TAFA2: variants seen among roughly 807,000 people sequenced by gnomAD.
The protein encoded by TAFA2 is TAFA chemokine like family member 2, also known as chemokine-like protein TAFA-2.
TAFA2 carries 7 observed loss-of-function variants against 18.8 expected under a neutral mutation model. The ratio of observed to expected loss-of-function variants is 0.37; its 90% CI spans 0.21 to 0.70. The LOEUF is 0.70. Among genes scored for constraint, TAFA2 ranks in the 30% least tolerant of loss-of-function variants. The pLI is 0.53. For synonymous variants in TAFA2, 60 were observed against 54.2 expected (o/e 1.11, Z -0.47); for missense variants, 122 against 158.1 (o/e 0.77, Z 1.23).
chr12:61,761,715 A>G (rs1306535290), intron 2 of TAFA2, among the ~76,000 whole-genome samples: 1 of 152,102 alleles, frequency 6.6e-6, no homozygotes. Context: ...AAGATAAAAT[A>G]CTGAGTAAGA....
chr12:61,821,952 A>C (rs1435117527), intron 2 of TAFA2, among the ~76,000 whole-genome samples: 1 of 152,064 alleles, frequency 6.6e-6, no homozygotes, highest in Non-Finnish European at 1.5e-5. Flanking sequence ...CACTTTTTAG[A>C]TAATTACAGT....
At chr12:61,914,792 C>T (rs766770348) in intron 1 of TAFA2, among the ~76,000 whole-genome samples, 1 of 152,114 alleles carries the variant, frequency 6.6e-6, no homozygotes, top group Non-Finnish European at 1.5e-5. Flanking sequence ...TTTTTATTCT[C>T]TAAATAGCTT....
At chr12:61,982,004 G>A (rs959950945) in intron 1 of TAFA2, among the ~76,000 whole-genome samples, 8 of 152,154 alleles carry the variant, frequency 5.3e-5, no homozygotes, top group East Asian at 1.9e-4. Flanking sequence ...TGTTCACTGC[G>A]GCACTATTCA....
rs1464910949 is a variant in TAFA2, at chr12:62,163,143, T to C, written c.-2+28116A>G. Among the ~76,000 whole-genome samples, 4 of 152,036 alleles carry C rather than the reference T, an allele frequency of 2.6e-5. No individual in the cohort carries two copies. In the East Asian group the frequency reaches 7.7e-4, roughly 29 times the overall value. ...AGAACCAAATGCCAGGATAAAGACTTTCTGCTCGACTACTAAAATAGAACT... is the reference window on the plus strand; with the variant it reads ...AGAACCAAATGCCAGGATAAAGACTCTCTGCTCGACTACTAAAATAGAACT... On this transcript the variant is annotated intron_variant, in intron 1 of 4. Transcript: ENST00000416284.
chr12:61,967,414 A>G (rs1237514617), intron 1 of TAFA2, among the ~76,000 whole-genome samples: 2 of 151,874 alleles, frequency 1.3e-5, no homozygotes, highest in Non-Finnish European at 2.9e-5. Flanking sequence ...TGGGTAAGTT[A>G]AAGAGAATCT....
At chr12:61,796,505 AC>A (rs1871195736) in intron 2 of TAFA2, among the ~76,000 whole-genome samples, 1 of 152,158 alleles carries the variant, frequency 6.6e-6, no homozygotes, top group Non-Finnish European at 1.5e-5. Context: ...ATGTGTAATA[AC>A]AAATCAATGG....
At chr12:62,164,855 GGC>G in intron 1 of TAFA2, among the ~76,000 whole-genome samples, 1 of 152,096 alleles carries the variant, frequency 6.6e-6, no homozygotes, top group East Asian at 1.9e-4. Context: ...TGGCACAGAG[GGC>G]TAAACAAATA....
intron 2 of TAFA2, among the ~76,000 whole-genome samples, chr12:61,793,136 A>T (rs1871051862): frequency 6.6e-6 from 1 of 151,610 alleles, no homozygotes; most frequent in Non-Finnish European, 1.5e-5. Context: ...TATAGCACTA[A>T]GCATCTATAT....
intron 1 of TAFA2, among the ~76,000 whole-genome samples, chr12:62,032,272 A>G (rs1881479960): frequency 6.6e-6 from 1 of 152,168 alleles, no homozygotes; most frequent in Non-Finnish European, 1.5e-5. Context: ...ACAGGAAAGG[A>G]CTTCATTTAA....
chr12:61,792,842 T>C (rs1871039444), intron 2 of TAFA2, among the ~76,000 whole-genome samples: 1 of 151,516 alleles, frequency 6.6e-6, no homozygotes, highest in Non-Finnish European at 1.5e-5. Flanking sequence ...CACCTCTATC[T>C]TTAAATAACT....
At chr12:61,871,299 G>T (rs746328620) in intron 1 of TAFA2, among the ~76,000 whole-genome samples, 2 of 152,154 alleles carry the variant, frequency 1.3e-5, no homozygotes, top group Non-Finnish European at 2.9e-5. Context: ...AAAAAAAGCT[G>T]AATGTACATT....
chr12:61,761,633 T>C (rs1292240491), intron 2 of TAFA2, among the ~76,000 whole-genome samples: 1 of 152,062 alleles, frequency 6.6e-6, no homozygotes, highest in Non-Finnish European at 1.5e-5. Context: ...CAATAACCAC[T>C]GACAAGGAAA....
At chr12:62,244,089 C>CTT (rs577907756) in intron 1 of TAFA2, among the ~76,000 whole-genome samples, 23 of 140,008 alleles carry the variant, frequency 1.6e-4, no homozygotes, top group African/African-American at 5.0e-4. Flanking sequence ...CATACCTGGC[C>CTT]TTTTTTTTTT....
intron 1 of TAFA2, among the ~76,000 whole-genome samples, chr12:62,257,149 T>G (rs1247653180): frequency 1.9e-4 from 2 of 10,368 alleles, no homozygotes; most frequent in Non-Finnish European, 4.0e-4. Context: ...TGTGTATATA[T>G]ATATACATAT....
rs148784865 is a variant in TAFA2, at chr12:61,918,259, T to C, written c.-1-50833A>G. On this transcript the variant is annotated intron_variant, in intron 1 of 4. Transcript: ENST00000416284. ...AAATACTAGGTCTTATTTATTGTTTTTAACTACTTTTTGTTCTCATTAACC... is the reference window on the plus strand; with the variant it reads ...AAATACTAGGTCTTATTTATTGTTTCTAACTACTTTTTGTTCTCATTAACC... Among the ~76,000 whole-genome samples, 622 of 152,250 alleles carry C rather than the reference T, an allele frequency of 4.1e-3. 11 individuals are homozygous for C. Among genetic ancestry groups the C allele is most frequent in the Middle Eastern group, 3.4e-3 (1 of 294 alleles).
At chr12:62,220,103 A>T (rs1042739882) in intron 1 of TAFA2, among the ~76,000 whole-genome samples, 4 of 152,274 alleles carry the variant, frequency 2.6e-5, no homozygotes, top group African/African-American at 9.6e-5. Flanking sequence ...CACTAGAGGC[A>T]GAAACAAGCC....
At chr12:61,724,632 C>T (rs1870054864) in intron 4 of TAFA2, among the ~76,000 whole-genome samples, 1 of 152,006 alleles carries the variant, frequency 6.6e-6, no homozygotes. Flanking sequence ...TGAGAACATA[C>T]AATGTTTGGT....
At chr12:61,781,739 ATAT>A (rs1011168825) in intron 2 of TAFA2, among the ~76,000 whole-genome samples, 11 of 151,764 alleles carry the variant, frequency 7.2e-5, no homozygotes, top group Non-Finnish European at 1.5e-4. Flanking sequence ...TACAGAAAAA[ATAT>A]TATAATGCAA....
At chr12:61,758,222 T>C (rs1869368302) in intron 2 of TAFA2, among the ~76,000 whole-genome samples, 1 of 152,076 alleles carries the variant, frequency 6.6e-6, no homozygotes, top group South Asian at 2.1e-4. Flanking sequence ...TTATAAAAAG[T>C]CTTTCAAGGA....
Sources: gnomAD v4.1 joint callset for allele counts (sites outside exome capture counted in the v4.1 genomes callset) on GRCh38, gnomAD v4.1.1 for gene constraint, MANE v1.5 for transcripts, NCBI Gene and HGNC (gene_info 2026-07-23, HGNC 2026-07-21) for gene names.